LRP1B: variants seen among roughly 807,000 people sequenced by gnomAD.
LRP1B encodes the protein LDL receptor related protein 1B.
LRP1B carries 217 observed loss-of-function variants against 556.6 expected under a neutral mutation model. The ratio of observed to expected loss-of-function variants is 0.39; its 90% CI spans 0.35 to 0.44. LRP1B has a LOEUF of 0.44. Ranked by LOEUF, LRP1B falls within the 20% of genes least tolerant of loss-of-function variation. The pLI, the probability that LRP1B is intolerant of heterozygous loss-of-function variation, is 1.00. For missense variants in LRP1B, 5,053 were observed against 5,620.8 expected, an observed-to-expected ratio of 0.90 and a Z score of 3.23; for synonymous variants, 2,047 against 1,865.8, an observed-to-expected ratio of 1.10 and a Z score of -2.50.
chr2:140,433,886 G>A (rs1310919090), intron 66 of LRP1B, among the ~76,000 whole-genome samples: 1 of 151,030 alleles, frequency 6.6e-6, no homozygotes, highest in African/African-American at 2.4e-5. Flanking sequence ...TATCAAAAAG[G>A]AACATTTAAA....
At chr2:141,945,722 G>A (rs1700934372) in intron 1 of LRP1B, among the ~76,000 whole-genome samples, 1 of 151,732 alleles carries the variant, frequency 6.6e-6, no homozygotes. Flanking sequence ...CCCATTCCCT[G>A]CCTCCCCCAT....
At chr2:140,890,711 T>C (rs1016188512) in intron 23 of LRP1B, among the ~76,000 whole-genome samples, 7 of 152,058 alleles carry the variant, frequency 4.6e-5, no homozygotes, top group Admixed American at 1.3e-4. Flanking sequence ...TATTAGATTA[T>C]TATTTCCCCT....
chr2:141,728,300 C>T (rs1471974420), intron 2 of LRP1B, among the ~76,000 whole-genome samples: 3 of 152,028 alleles, frequency 2.0e-5, no homozygotes, highest in Admixed American at 6.6e-5. Flanking sequence ...AAATGCCTGG[C>T]CCTCTTTCTT....
intron 23 of LRP1B, among the ~76,000 whole-genome samples, chr2:140,900,220 G>C (rs1694066175): frequency 1.3e-5 from 2 of 152,130 alleles, no homozygotes; most frequent in Admixed American, 1.3e-4. Context: ...AACATAAGTT[G>C]TTATTTATTT....
chr2:141,296,089 T>C (rs1234972571), intron 3 of LRP1B, among the ~76,000 whole-genome samples: 1 of 152,116 alleles, frequency 6.6e-6, no homozygotes, highest in Non-Finnish European at 1.5e-5. Context: ...CAAAATTATG[T>C]ACAAAGGAGC....
intron 13 of LRP1B, among the ~76,000 whole-genome samples, chr2:141,015,451 T>A (rs189104046): frequency 2.6e-5 from 4 of 152,134 alleles, no homozygotes; most frequent in Middle Eastern, 3.4e-3. Context: ...AGCTCTGATA[T>A]CCTGAGAGCT....
intron 3 of LRP1B, among the ~76,000 whole-genome samples, chr2:141,426,542 TGACAAAG>T (rs1680370450): frequency 6.6e-6 from 1 of 151,616 alleles, no homozygotes; most frequent in South Asian, 2.1e-4. Context: ...TTCTTTGAAA[TGACAAAG>T]AAAGAATAGA....
At chr2:141,911,378 A>G (rs1420532079) in intron 1 of LRP1B, among the ~76,000 whole-genome samples, 1 of 151,918 alleles carries the variant, frequency 6.6e-6, no homozygotes, top group African/African-American at 2.4e-5. Context: ...TAAGTAAAAG[A>G]CTCTTTAGCA....
intron 2 of LRP1B, among the ~76,000 whole-genome samples, chr2:141,796,792 C>A (rs1695827607): frequency 6.6e-6 from 1 of 151,804 alleles, no homozygotes; most frequent in Non-Finnish European, 1.5e-5. Context: ...AAGAGTAGGG[C>A]CTTACATAAC....
At chr2:141,840,407 G>T (rs1332677625) in intron 1 of LRP1B, among the ~76,000 whole-genome samples, 1 of 150,540 alleles carries the variant, frequency 6.6e-6, no homozygotes, top group Admixed American at 6.6e-5. Flanking sequence ...GGGACTGCAG[G>T]CACCCGCCAC....
At chr2:141,150,673 C>T (rs1034246066) in intron 7 of LRP1B, among the ~76,000 whole-genome samples, 13 of 152,188 alleles carry the variant, frequency 8.5e-5, no homozygotes, top group Admixed American at 6.5e-5. Context: ...GTCCAAAATC[C>T]CTGTTGCTAG....
chr2:141,125,120 G>C (rs1009362491), intron 7 of LRP1B, among the ~76,000 whole-genome samples: 14 of 152,110 alleles, frequency 9.2e-5, no homozygotes, highest in African/African-American at 3.1e-4. Context: ...AATATCTAGA[G>C]AATAAGGAAC....
At chr2:140,326,677 AAC>A (rs1336336643) in intron 79 of LRP1B, among the ~76,000 whole-genome samples, 1 of 151,646 alleles carries the variant, frequency 6.6e-6, no homozygotes, top group African/African-American at 2.4e-5. Flanking sequence ...CAGCCTAGGC[AAC>A]AGAGTGAGAC....
chr2:141,383,042 G>T (rs1374576445), intron 3 of LRP1B, among the ~76,000 whole-genome samples: 1 of 152,094 alleles, frequency 6.6e-6, no homozygotes, highest in East Asian at 1.9e-4. Flanking sequence ...AAAACAATCT[G>T]ATTTTAAAAT....
intron 3 of LRP1B, among the ~76,000 whole-genome samples, chr2:141,357,625 T>A (rs1688674837): frequency 6.6e-6 from 1 of 152,172 alleles, no homozygotes; most frequent in Non-Finnish European, 1.5e-5. Context: ...CAATGTTGGG[T>A]TTAATAGATA....
chr2:140,580,706 T>C (rs1681727442), intron 43 of LRP1B, among the ~76,000 whole-genome samples: 1 of 152,212 alleles, frequency 6.6e-6, no homozygotes, highest in South Asian at 2.1e-4. Flanking sequence ...AACTACAGAC[T>C]GAATTATCAA....
At chr2:141,181,606 A>G (rs955820784) in intron 7 of LRP1B, among the ~76,000 whole-genome samples, 6 of 151,912 alleles carry the variant, frequency 3.9e-5, no homozygotes, top group Non-Finnish European at 8.8e-5. Flanking sequence ...ACGTTTTTGC[A>G]TTGTGTTGAC....
chr2:142,084,539 T>C (rs1192368469), intron 1 of LRP1B, among the ~76,000 whole-genome samples: 1 of 152,188 alleles, frequency 6.6e-6, no homozygotes, highest in African/African-American at 2.4e-5. Context: ...CCTCTCCAAC[T>C]TGCTGCCAGG....
intron 7 of LRP1B, among the ~76,000 whole-genome samples, chr2:141,075,106 A>T (rs775706753): frequency 1.3e-5 from 2 of 152,162 alleles, no homozygotes; most frequent in Non-Finnish European, 2.9e-5. Context: ...ACTTTATGTA[A>T]GCAACCTGAA....
Sources: gnomAD v4.1 joint callset for allele counts (sites outside exome capture counted in the v4.1 genomes callset) on GRCh38, gnomAD v4.1.1 for gene constraint, MANE v1.5 for transcripts, NCBI Gene and HGNC (gene_info 2026-07-23, HGNC 2026-07-21) for gene names.